The following REDIC1 variants were observed in gnomAD, a reference collection of about 807,000 sequenced individuals.
REDIC1 encodes HEI10 Interacting Protein 1.
chr12:39,894,751 T>G, the REDIC1 span, among the ~76,000 whole-genome samples: 1 of 152,124 alleles, frequency 6.6e-6, no homozygotes, highest in Non-Finnish European at 1.5e-5. Context: ...AAATACCGGC[T>G]TTGGCTGGCA....
chr12:39,859,094 T>A, the REDIC1 span, among the ~76,000 whole-genome samples: 1 of 152,134 alleles, frequency 6.6e-6, no homozygotes, highest in African/African-American at 2.4e-5. Context: ...ATGAGGGGCA[T>A]ACTGTTTCAC....
At chr12:39,816,491 A>T in the REDIC1 span, among the ~76,000 whole-genome samples, 1 of 151,246 alleles carries the variant, frequency 6.6e-6, no homozygotes, top group African/African-American at 2.4e-5. Context: ...ATGACGAGTT[A>T]ATGGGTGCAG....
chr12:39,726,334 T>C, the REDIC1 span, among the ~76,000 whole-genome samples: 1 of 151,726 alleles, frequency 6.6e-6, no homozygotes, highest in South Asian at 2.1e-4. Context: ...CCCAACAGGC[T>C]CCAGTGTGTG....
chr12:39,647,952 C>T, the REDIC1 span: 4 of 1,568,024 alleles, frequency 2.6e-6, no homozygotes, highest in South Asian at 1.2e-5. Flanking sequence ...CAGAAACTTG[C>T]ATATGAAAAA....
chr12:39,830,105 G>T, the REDIC1 span: 1 of 1,613,512 alleles, frequency 6.2e-7, no homozygotes, highest in Non-Finnish European at 8.5e-7. Flanking sequence ...TGATATACCT[G>T]CCCCAGGCTG....
At chr12:39,870,551 G>T in the REDIC1 span, among the ~76,000 whole-genome samples, 13 of 152,136 alleles carry the variant, frequency 8.5e-5, no homozygotes, top group Non-Finnish European at 1.8e-4. Context: ...CCTTTAGTCT[G>T]TTCTCCAGGC....
the REDIC1 span, among the ~76,000 whole-genome samples, chr12:39,748,799 C>T: frequency 1.3e-5 from 2 of 152,216 alleles, no homozygotes; most frequent in African/African-American, 4.8e-5. Context: ...GGAAACTGAA[C>T]ACCCTGCTCC....
At chr12:39,702,711 C>A in the REDIC1 span, among the ~76,000 whole-genome samples, 37 of 152,198 alleles carry the variant, frequency 2.4e-4, no homozygotes, top group Non-Finnish European at 4.7e-4. Context: ...CCAAATCCAG[C>A]AGCACATGAA....
the REDIC1 span, among the ~76,000 whole-genome samples, chr12:39,876,505 A>G: frequency 7.9e-5 from 12 of 152,316 alleles, no homozygotes; most frequent in Middle Eastern, 6.8e-3. Context: ...TATCTACCGT[A>G]AATTTTTGAG....
the REDIC1 span, chr12:39,907,870 A>G: frequency 1.3e-5 from 2 of 152,248 alleles, no homozygotes; most frequent in Non-Finnish European, 2.9e-5. Flanking sequence ...TACTGGAAAG[A>G]GAATGGAGCC....
the REDIC1 span, among the ~76,000 whole-genome samples, chr12:39,894,848 A>G: frequency 6.6e-6 from 1 of 152,160 alleles, no homozygotes; most frequent in African/African-American, 2.4e-5. Flanking sequence ...GCAAAAAGTC[A>G]AAGAAAAAAG....
At chr12:39,905,400 T>C in the REDIC1 span, among the ~76,000 whole-genome samples, 1 of 152,108 alleles carries the variant, frequency 6.6e-6, no homozygotes, top group Non-Finnish European at 1.5e-5. Flanking sequence ...GTGGGAAGCA[T>C]GGCTGCAGAT....
chr12:39,680,735 A>G, the REDIC1 span, among the ~76,000 whole-genome samples: 1 of 151,390 alleles, frequency 6.6e-6, no homozygotes, highest in Non-Finnish European at 1.5e-5. Context: ...CTAAATGCCT[A>G]TCAACCAATG....
the REDIC1 span, chr12:39,764,531 C>A: frequency 1.2e-6 from 2 of 1,612,178 alleles, no homozygotes; most frequent in Non-Finnish European, 1.7e-6. Flanking sequence ...CCAGTTTATT[C>A]CAGATGAACA....
the REDIC1 span, among the ~76,000 whole-genome samples, chr12:39,871,011 T>C: frequency 6.6e-6 from 1 of 152,124 alleles, no homozygotes; most frequent in East Asian, 1.9e-4. Flanking sequence ...GCATTCTCAC[T>C]CCAAATAAAC....
the REDIC1 span, among the ~76,000 whole-genome samples, chr12:39,857,589 A>AT: frequency 2.0e-5 from 3 of 152,072 alleles, no homozygotes; most frequent in Non-Finnish European, 4.4e-5. Context: ...TCTGTAATCA[A>AT]TTTTCCACTC....
chr12:39,670,670 C>T, the REDIC1 span, among the ~76,000 whole-genome samples: 6 of 151,602 alleles, frequency 4.0e-5, no homozygotes, highest in Non-Finnish European at 7.4e-5. Flanking sequence ...CTTCACCTTT[C>T]GGGATACTCA....
At chr12:39,895,695 T>C in the REDIC1 span, among the ~76,000 whole-genome samples, 4 of 147,208 alleles carry the variant, frequency 2.7e-5, 1 homozygote, top group African/African-American at 1.0e-4. Context: ...CATATGTATA[T>C]GCGTGTATAC....
At chr12:39,888,166 GC>G in the REDIC1 span, among the ~76,000 whole-genome samples, 1 of 152,188 alleles carries the variant, frequency 6.6e-6, no homozygotes, top group Non-Finnish European at 1.5e-5. Flanking sequence ...TCTGCTGCCT[GC>G]CCAGTTCATG....
Sources: gnomAD v4.1 joint callset for allele counts (sites outside exome capture counted in the v4.1 genomes callset) on GRCh38, gnomAD v4.1.1 for gene constraint, MANE v1.5 for transcripts, NCBI Gene and HGNC (gene_info 2026-07-23, HGNC 2026-07-21) for gene names.